The following CNOT4 variants were observed in gnomAD, a reference collection of about 807,000 sequenced individuals.
The protein encoded by CNOT4 is CCR4-associated factor 4.
In CNOT4, 8 loss-of-function variants were observed where a neutral mutation model predicts 73.8. The observed-to-expected ratio is 0.11, with a 90% confidence interval of 0.06 to 0.20. CNOT4 has a LOEUF of 0.20. Ranked by LOEUF, CNOT4 falls within the 10% of genes least tolerant of loss-of-function variation. The pLI, the probability that CNOT4 is intolerant of heterozygous loss-of-function variation, is 1.00. For synonymous variants in CNOT4, 293 were observed against 321.1 expected (o/e 0.91, Z 0.94); for missense variants, 564 against 883.4 (o/e 0.64, Z 4.58).
intron 1 of CNOT4, among the ~76,000 whole-genome samples, chr7:135,455,959 CACTT>C (rs1474729833): frequency 9.2e-5 from 14 of 152,208 alleles, no homozygotes; most frequent in Admixed American, 3.3e-4. Flanking sequence ...GATGGAAACT[CACTT>C]ACACCACTGC....
intron 1 of CNOT4, among the ~76,000 whole-genome samples, chr7:135,476,669 C>T (rs1458124707): frequency 6.6e-6 from 1 of 152,118 alleles, no homozygotes; most frequent in Non-Finnish European, 1.5e-5. Flanking sequence ...GAGCAAGATT[C>T]TGTCTCTTAA....
intron 1 of CNOT4, among the ~76,000 whole-genome samples, chr7:135,488,023 T>C (rs1033041626): frequency 3.3e-5 from 5 of 151,576 alleles, no homozygotes; most frequent in African/African-American, 1.2e-4. Flanking sequence ...ATAGCGCCAC[T>C]GCACTCCAGC....
intron 10 of CNOT4, among the ~76,000 whole-genome samples, chr7:135,374,416 C>T (rs547496325): frequency 7.9e-5 from 12 of 152,090 alleles, no homozygotes; most frequent in African/African-American, 1.4e-4. Flanking sequence ...TTTGGGATAA[C>T]ATGGTAAAGT....
intron 1 of CNOT4, among the ~76,000 whole-genome samples, chr7:135,443,279 C>T (rs1177516903): frequency 6.7e-6 from 1 of 150,368 alleles, no homozygotes; most frequent in East Asian, 2.0e-4. Context: ...TGCTGGAGTC[C>T]AGGAAGCAGA....
chr7:135,435,582 GAT>G (rs1483439780), intron 2 of CNOT4, among the ~76,000 whole-genome samples: 3 of 152,118 alleles, frequency 2.0e-5, no homozygotes, highest in African/African-American at 7.2e-5. Flanking sequence ...AGGTACCAAT[GAT>G]AGTTTTAAAT....
At chr7:135,508,005 AT>A (rs1369504627) in intron 1 of CNOT4, among the ~76,000 whole-genome samples, 1 of 152,228 alleles carries the variant, frequency 6.6e-6, no homozygotes, top group Non-Finnish European at 1.5e-5. Context: ...CTTAGTTTAC[AT>A]TTGGTAAAAC....
intron 1 of CNOT4, among the ~76,000 whole-genome samples, chr7:135,497,218 GC>G (rs1415783355): frequency 1.3e-5 from 2 of 151,994 alleles, no homozygotes; most frequent in East Asian, 3.9e-4. Flanking sequence ...GACCAGCCCG[GC>G]CAACACAGTG....
intron 2 of CNOT4, among the ~76,000 whole-genome samples, chr7:135,430,525 G>T (rs951957145): frequency 2.6e-5 from 4 of 151,932 alleles, no homozygotes; most frequent in African/African-American, 9.7e-5. Flanking sequence ...CACACCTGTA[G>T]TCCCAGCTAC....
chr7:135,453,989 C>CAT (rs371504271), intron 1 of CNOT4, among the ~76,000 whole-genome samples: 11,988 of 133,794 alleles, frequency 0.09, 624 homozygotes, highest in Middle Eastern at 0.16. Context: ...AATATATATA[C>CAT]ATATATATAT....
intron 10 of CNOT4, chr7:135,388,654 G>A (rs1796244758): frequency 2.3e-5 from 30 of 1,315,650 alleles, no homozygotes; most frequent in South Asian, 1.5e-4. Context: ...GAGGTAACAC[G>A]CTAGCTGTAG....
At chr7:135,435,819 T>C (rs1799121680) in intron 2 of CNOT4, among the ~76,000 whole-genome samples, 1 of 152,214 alleles carries the variant, frequency 6.6e-6, no homozygotes, top group Non-Finnish European at 1.5e-5. Context: ...CTGCTAGGTA[T>C]AGAAGCTCCT....
At chr7:135,416,407 T>C (rs1173567640) in intron 3 of CNOT4, among the ~76,000 whole-genome samples, 1 of 152,186 alleles carries the variant, frequency 6.6e-6, no homozygotes, top group African/African-American at 2.4e-5. Context: ...ATGTTTGCTG[T>C]AGCCAATTCT....
At chr7:135,370,761 A>G (rs1795159971) in intron 10 of CNOT4, among the ~76,000 whole-genome samples, 5 of 152,226 alleles carry the variant, frequency 3.3e-5, no homozygotes, top group Admixed American at 2.0e-4. Flanking sequence ...TGCTGTGAAC[A>G]GATGGTTCTC....
chr7:135,433,913 G>C (rs1799002483), intron 2 of CNOT4, among the ~76,000 whole-genome samples: 1 of 152,130 alleles, frequency 6.6e-6, no homozygotes, highest in Non-Finnish European at 1.5e-5. Context: ...CCTGTGTTTA[G>C]CAGCTAGGAC....
intron 9 of CNOT4, 36 bp from the exon 10 acceptor site, chr7:135,394,451 C>T (rs754207918): frequency 6.6e-7 from 1 of 1,510,100 alleles, no homozygotes; most frequent in Non-Finnish European, 9.0e-7. Context: ...ATATCAGATA[C>T]ATAGCTCATT....
chr7:135,426,427 C>T (rs1798500647), intron 2 of CNOT4, among the ~76,000 whole-genome samples: 1 of 151,390 alleles, frequency 6.6e-6, no homozygotes, highest in Admixed American at 6.6e-5. Context: ...ACGGTGAAAC[C>T]CCATCTCTAC....
At chr7:135,439,114 A>G (rs1282485311) in intron 1 of CNOT4, among the ~76,000 whole-genome samples, 2 of 152,232 alleles carry the variant, frequency 1.3e-5, no homozygotes, top group East Asian at 1.9e-4. Flanking sequence ...GTTAAATAAT[A>G]TAACTTTTTA....
At chr7:135,466,952 TAATGATGCATTTTTC>T (rs1269868573) in intron 1 of CNOT4, among the ~76,000 whole-genome samples, 4 of 152,140 alleles carry the variant, frequency 2.6e-5, no homozygotes, top group Non-Finnish European at 2.9e-5. Flanking sequence ...CAAAATAATC[TAATGATGCATTTTTC>T]AAAACTAGCC....
intron 10 of CNOT4, among the ~76,000 whole-genome samples, chr7:135,382,453 A>T (rs1030293): frequency 0.99 from 150,378 of 152,290 alleles, 74,272 homozygotes; most frequent in Middle Eastern, 1. Context: ...ATTTGTACTT[A>T]GAAGCATTAT....
Sources: gnomAD v4.1 joint callset for allele counts (sites outside exome capture counted in the v4.1 genomes callset) on GRCh38, gnomAD v4.1.1 for gene constraint, MANE v1.5 for transcripts, NCBI Gene and HGNC (gene_info 2026-07-23, HGNC 2026-07-21) for gene names.